GNG2: variants seen among roughly 807,000 people sequenced by gnomAD.
GNG2 encodes G protein subunit gamma 2.
A neutral mutation model predicts 5.5 loss-of-function variants in GNG2; 5 were observed. The ratio of observed to expected loss-of-function variants is 0.91; its 90% CI spans 0.48 to 1.92. The LOEUF is 1.92. Among genes scored for constraint, GNG2 ranks in the 30% most tolerant of loss-of-function variants. The pLI, the probability that GNG2 is intolerant of heterozygous loss-of-function variation, is 0.01. For synonymous variants in GNG2, 28 were observed against 32.0 expected (o/e 0.88, Z 0.42); for missense variants, 55 against 88.4 (o/e 0.62, Z 1.52).
rs149117781 is a variant in GNG2 at position 51,894,774 on chromosome 14, AGT to A, written c.-30+17118_-30+17119del. Among the ~76,000 whole-genome samples the A allele has an allele frequency of 5.1e-3, 781 of 152,234 alleles. 9 individuals are homozygous for A. The highest frequency in any genetic ancestry group is 0.043 in the East Asian group (221 of 5,192). On this transcript the variant is annotated intron_variant, in intron 2 of 3. Transcript: ENST00000556766. Reference sequence around the variant, plus strand: ...CACTTATTGGAAGAATTTTATCGTTAGTTTAACAAAACCTACAGTACTTCTGT... The same window carrying A: ...CACTTATTGGAAGAATTTTATCGTTATTAACAAAACCTACAGTACTTCTGT...
rs1285105529 is a variant in GNG2 at position 51,836,284 on chromosome 14, G to T, written c.64+8477G>T. On this transcript the variant is annotated intron_variant, in intron 2 of 3. Transcript: ENST00000553432. The stretch of plus-strand genomic sequence containing the variant: ...TTTAGGCTTCAACATATGAATTAGT[G>T]GGGGAATGAAAACACCCAATGCATA... 2.0e-5 allele frequency among the ~76,000 whole-genome samples: 3 copies of T among 151,938 alleles called. No individual in the cohort carries two copies. The South Asian group carries it at 6.2e-4, about 32-fold the overall frequency.
At chr14:51,909,015 ATAGT>A in intron 2 of GNG2, among the ~76,000 whole-genome samples, 1 of 152,246 alleles carries the variant, frequency 6.6e-6, no homozygotes, top group South Asian at 2.1e-4. Context: ...TTATATAACC[ATAGT>A]TATTAACAGA....
intron 2 of GNG2, among the ~76,000 whole-genome samples, chr14:51,853,142 A>G (rs1881988965): frequency 1.3e-5 from 2 of 152,190 alleles, no homozygotes; most frequent in Non-Finnish European, 1.5e-5. Context: ...GGTATTTTCA[A>G]AATGGTCAGT....
intron 3 of GNG2, among the ~76,000 whole-genome samples, chr14:51,953,983 G>C (rs561547362): frequency 2.0e-5 from 3 of 152,270 alleles, no homozygotes; most frequent in African/African-American, 4.8e-5. Flanking sequence ...GGACTCTTAA[G>C]AGGAGGATTT....
At chr14:51,949,225 A>G (rs2140281860) in intron 2 of GNG2, among the ~76,000 whole-genome samples, 1 of 152,192 alleles carries the variant, frequency 6.6e-6, no homozygotes. Context: ...CTTCAACATA[A>G]TATTCTCCAT....
Position 51,930,937 on chromosome 14 carries a change from G to A in GNG2, c.-29-19713G>A, listed in dbSNP as rs138817795. 7.4e-4 allele frequency among the ~76,000 whole-genome samples: 112 copies of A among 152,230 alleles called. 1 individual carries two copies. The highest frequency in any genetic ancestry group is 1.9e-3 in the African/African-American group (77 of 41,564). ...AGAGTGAGAACTTACTCATTAGTGC[G>A]AGGATGGCACCAACCCATGGTGGTG... On this transcript the variant is annotated intron_variant, in intron 2 of 3. Transcript: ENST00000556766.
intron 1 of GNG2, chr14:51,874,115 CT>C: frequency 6.6e-6 from 1 of 152,270 alleles, no homozygotes; most frequent in South Asian, 2.1e-4. Context: ...GTTTTTAAGA[CT>C]GTTTCTAAAT....
intron 2 of GNG2, among the ~76,000 whole-genome samples, chr14:51,840,178 A>C (rs562748033): frequency 2.2e-4 from 34 of 152,320 alleles, no homozygotes; most frequent in African/African-American, 7.5e-4. Context: ...ATGTCATCGT[A>C]GGAGCTGGGA....
chr14:51,954,899 A>G (rs1889192925), intron 3 of GNG2, among the ~76,000 whole-genome samples: 1 of 152,170 alleles, frequency 6.6e-6, no homozygotes, highest in Non-Finnish European at 1.5e-5. Flanking sequence ...TCCAGCAAGA[A>G]TGAGCCCTCT....
intron 2 of GNG2, among the ~76,000 whole-genome samples, chr14:51,842,385 C>G (rs60283065): frequency 7.2e-4 from 110 of 152,310 alleles, no homozygotes; most frequent in African/African-American, 2.6e-3. Context: ...CTTTCTACAG[C>G]CTGTAGAGCT....
Position 51,902,945 on chromosome 14 carries a change from G to T in GNG2, c.-30+25288G>T, listed in dbSNP as rs140437891. 5.6e-3 allele frequency among the ~76,000 whole-genome samples: 849 copies of T among 152,188 alleles called. 9 individuals are homozygous for T. The highest frequency in any genetic ancestry group is 0.042 in the South Asian group (201 of 4,826). On this transcript the variant is annotated intron_variant, in intron 2 of 3. Transcript: ENST00000556766. ...CAGGAGAAAGAAAAATTCAATGCAGGAGAACTATTGTGGAAACAGGAAAGC... is the reference window on the plus strand; with the variant it reads ...CAGGAGAAAGAAAAATTCAATGCAGTAGAACTATTGTGGAAACAGGAAAGC...
intron 1 of GNG2, chr14:51,861,314 A>T (rs1259702039): frequency 6.6e-6 from 1 of 152,194 alleles, no homozygotes; most frequent in Non-Finnish European, 1.5e-5. Context: ...AGTATTTACC[A>T]TTAAAAAACA....
intron 2 of GNG2, among the ~76,000 whole-genome samples, chr14:51,833,378 T>C (rs1490053750): frequency 6.6e-6 from 1 of 152,360 alleles, no homozygotes; most frequent in South Asian, 2.1e-4. Context: ...TTTCTTCTAA[T>C]GTAGATCACT....
chr14:51,841,502 A>G (rs765288145), intron 2 of GNG2: 5 of 701,852 alleles, frequency 7.1e-6, no homozygotes, highest in South Asian at 5.9e-5. Context: ...TCTCCATTTT[A>G]CAGACAAGAA....
intron 2 of GNG2, among the ~76,000 whole-genome samples, chr14:51,886,102 TG>T (rs1482845553): frequency 6.6e-6 from 1 of 152,218 alleles, no homozygotes; most frequent in East Asian, 1.9e-4. Flanking sequence ...AACCAAAAAA[TG>T]GCTTAAAGCT....
At chr14:51,909,370 AT>A (rs1344219053) in intron 2 of GNG2, among the ~76,000 whole-genome samples, 1 of 152,232 alleles carries the variant, frequency 6.6e-6, no homozygotes, top group East Asian at 1.9e-4. Context: ...AACATTAAAA[AT>A]TCAACAGATA....
At chr14:51,900,975 A>C (rs1181017180) in intron 2 of GNG2, among the ~76,000 whole-genome samples, 1 of 152,192 alleles carries the variant, frequency 6.6e-6, no homozygotes, top group Non-Finnish European at 1.5e-5. Flanking sequence ...GTGTTCCCAC[A>C]CCCTGCCATA....
intron 1 of GNG2, among the ~76,000 whole-genome samples, chr14:51,869,677 C>T (rs146367215): frequency 1.0e-3 from 157 of 152,202 alleles, no homozygotes; most frequent in African/African-American, 3.7e-3. Flanking sequence ...CCATGCCCAG[C>T]TAATTTTTGT....
chr14:51,840,018 T>C (rs1881441638), intron 2 of GNG2, among the ~76,000 whole-genome samples: 2 of 152,146 alleles, frequency 1.3e-5, no homozygotes, highest in Admixed American at 6.5e-5. Flanking sequence ...TAGAAATGTG[T>C]TATAGTTTTG....
Sources: allele counts gnomAD v4.1 joint callset (sites outside exome capture counted in the v4.1 genomes callset), GRCh38; gene constraint gnomAD v4.1.1; transcripts MANE v1.5; gene names NCBI Gene and HGNC (gene_info 2026-07-23, HGNC 2026-07-21).